SNX29: variants seen among roughly 807,000 people sequenced by gnomAD.
SNX29 encodes the protein sorting nexin-29.
SNX29 carries 78 observed loss-of-function variants against 102.1 expected under a neutral mutation model. That is an observed-to-expected ratio of 0.76 (90% CI 0.64 to 0.92). The LOEUF (loss-of-function observed/expected upper bound fraction) is 0.92. Ranked by LOEUF, SNX29 falls within the 40% of genes least tolerant of loss-of-function variation. SNX29 has a pLI of 0.00. For missense variants in SNX29, 1,280 were observed against 1,061.7 expected (o/e 1.21, Z -2.86); for synonymous variants, 580 against 414.5 (o/e 1.40, Z -4.85).
At chr16:12,561,109 G>A (rs564444427) in intron 20 of SNX29, 18 of 226,980 alleles carry the variant, frequency 7.9e-5, no homozygotes, top group East Asian at 6.9e-4. Context: ...TAGATTTCAC[G>A]GGGCACCCAT....
intron 14 of SNX29, among the ~76,000 whole-genome samples, chr16:12,246,588 C>T (rs981103203): frequency 1.1e-4 from 16 of 151,942 alleles, no homozygotes; most frequent in Non-Finnish European, 1.6e-4. Context: ...TGTAGTGAGC[C>T]GAGATCGTGC....
intron 11 of SNX29, among the ~76,000 whole-genome samples, chr16:12,107,023 G>T (rs2053279517): frequency 6.6e-6 from 1 of 152,066 alleles, no homozygotes; most frequent in East Asian, 1.9e-4. Context: ...TCACTGTGTT[G>T]CCCAGGCTGG....
At chr16:12,494,969 C>G (rs2088743137) in intron 19 of SNX29, among the ~76,000 whole-genome samples, 3 of 152,314 alleles carry the variant, frequency 2.0e-5, no homozygotes, top group East Asian at 1.9e-4. Flanking sequence ...CCTGCGCATT[C>G]TCATTTAATC....
chr16:12,500,924 G>A (rs2089089607), intron 19 of SNX29, among the ~76,000 whole-genome samples: 2 of 152,166 alleles, frequency 1.3e-5, no homozygotes. Context: ...GGCACCTGTT[G>A]CTCACTTGTC....
At chr16:12,525,864 C>G (rs34266390) in intron 20 of SNX29, among the ~76,000 whole-genome samples, 5 of 152,182 alleles carry the variant, frequency 3.3e-5, no homozygotes, top group African/African-American at 9.6e-5. Context: ...CCCCTTTGCT[C>G]TGGTCCCATT....
chr16:12,245,937 C>T (rs947293554), intron 14 of SNX29, among the ~76,000 whole-genome samples: 3 of 152,016 alleles, frequency 2.0e-5, no homozygotes, highest in Non-Finnish European at 4.4e-5. Flanking sequence ...TGCTTAAGCC[C>T]CAGAATCATC....
intron 15 of SNX29, among the ~76,000 whole-genome samples, chr16:12,323,323 T>C (rs1229212640): frequency 6.6e-6 from 1 of 152,116 alleles, no homozygotes; most frequent in Non-Finnish European, 1.5e-5. Context: ...CAGTCGTGAG[T>C]TGTGCTGTCT....
At chr16:12,337,036 C>A (rs910349124) in intron 15 of SNX29, among the ~76,000 whole-genome samples, 1 of 152,162 alleles carries the variant, frequency 6.6e-6, no homozygotes, top group African/African-American at 2.4e-5. Context: ...GTTGGCCAGG[C>A]CTGGGAGATG....
chr16:12,143,288 C>CGTG (rs944960575), intron 13 of SNX29, among the ~76,000 whole-genome samples: 25 of 152,176 alleles, frequency 1.6e-4, no homozygotes, highest in Admixed American at 4.6e-4. Flanking sequence ...TGAGCCACTG[C>CGTG]GCCTGGCCGG....
At chr16:12,491,846 A>G (rs34454587) in intron 19 of SNX29, among the ~76,000 whole-genome samples, 3,695 of 152,310 alleles carry the variant, frequency 0.024, 64 homozygotes, top group Middle Eastern at 0.065. Flanking sequence ...ATGTCTGTAC[A>G]AAGGACACGA....
chr16:12,044,599 G>T (rs1451603607), intron 5 of SNX29, among the ~76,000 whole-genome samples: 3 of 148,456 alleles, frequency 2.0e-5, no homozygotes, highest in Non-Finnish European at 2.9e-5. Context: ...TTTTTTTTGA[G>T]AAGAAGTCTC....
rs1053160311 is a variant in SNX29, at chr16:12,002,996, G to A, written c.75G>A (p.Gln25=). 1.9e-6 allele frequency: 3 copies of A among 1,614,110 alleles called. No individual in the cohort carries two copies. Among genetic ancestry groups the A allele is most frequent in the African/African-American group, 2.7e-5 (2 of 74,934 alleles). ...CAGCTTCTTTTTCTGTGCAGTGCCA[G>A]ATCCGCTTTGGAGGGAGAAAGGAGA... ...ERLLDAVKQC[Q]IRFGGRKEIA... Residue 25 remains glutamine, a synonymous_variant, in exon 3 of 21, where the codon CAG becomes CAA. Transcript: ENST00000566228.
chr16:12,174,198 G>C (rs1317746261), intron 13 of SNX29, among the ~76,000 whole-genome samples: 1 of 152,164 alleles, frequency 6.6e-6, no homozygotes, highest in African/African-American at 2.4e-5. Context: ...TGCTTCCCTG[G>C]TGCACTACTG....
intron 3 of SNX29, among the ~76,000 whole-genome samples, chr16:12,018,030 C>G (rs1275647498): frequency 2.0e-5 from 3 of 152,066 alleles, no homozygotes; most frequent in Admixed American, 6.6e-5. Context: ...CTCAGCCTCC[C>G]AGGTAGCTGG....
chr16:12,354,847 A>G (rs1355778586), intron 15 of SNX29, among the ~76,000 whole-genome samples: 1 of 152,234 alleles, frequency 6.6e-6, no homozygotes, highest in Non-Finnish European at 1.5e-5. Context: ...GTACAAAGAA[A>G]AAAGCTGGCA....
At chr16:12,303,321 A>C (rs2080240244) in intron 15 of SNX29, among the ~76,000 whole-genome samples, 1 of 152,234 alleles carries the variant, frequency 6.6e-6, no homozygotes, top group Non-Finnish European at 1.5e-5. Context: ...TCACGATGGC[A>C]AAACATTCCA....
chr16:12,134,501 C>T (rs771834699), intron 13 of SNX29, among the ~76,000 whole-genome samples: 3 of 152,160 alleles, frequency 2.0e-5, no homozygotes, highest in Non-Finnish European at 2.9e-5. Context: ...GGCTTCAGCT[C>T]GTTGCCACGT....
intron 19 of SNX29, among the ~76,000 whole-genome samples, chr16:12,510,278 T>C (rs1478385592): frequency 6.6e-6 from 1 of 152,190 alleles, no homozygotes; most frequent in South Asian, 2.1e-4. Context: ...CTGAGGGGTG[T>C]GTGCCTTGTG....
intron 10 of SNX29, among the ~76,000 whole-genome samples, chr16:12,072,551 G>A (rs1352884182): frequency 1.3e-5 from 2 of 152,140 alleles, no homozygotes; most frequent in Non-Finnish European, 2.9e-5. Context: ...TTTTTGATGT[G>A]CTGCTGGATT....
Sources: allele counts gnomAD v4.1 joint callset (sites outside exome capture counted in the v4.1 genomes callset), GRCh38; gene constraint gnomAD v4.1.1; transcripts MANE v1.5; gene names NCBI Gene and HGNC (gene_info 2026-07-23, HGNC 2026-07-21).